The following AUTS2 variants were observed in gnomAD, a reference collection of about 807,000 sequenced individuals.
The protein encoded by AUTS2 is autism susceptibility gene 2 protein.
A neutral mutation model predicts 112.4 loss-of-function variants in AUTS2; 17 were observed. The observed-to-expected ratio is 0.15, with a 90% CI of 0.10 to 0.23. AUTS2 has a LOEUF of 0.23. Among genes scored for constraint, AUTS2 ranks in the 10% least tolerant of loss-of-function variants. The pLI is 1.00. For synonymous variants in AUTS2, 751 were observed against 702.7 expected, an observed-to-expected ratio of 1.07 and a Z score of -1.09; for missense variants, 1,510 against 1,701.6, an observed-to-expected ratio of 0.89 and a Z score of 1.98.
At chr7:70,365,526 G>C (rs1792530483) in intron 4 of AUTS2, among the ~76,000 whole-genome samples, 1 of 152,146 alleles carries the variant, frequency 6.6e-6, no homozygotes, top group Admixed American at 6.5e-5. Flanking sequence ...TTTTTTAAAG[G>C]CTAGAAGTTC....
chr7:69,882,798 A>G lies in AUTS2; in HGVS notation c.310-16488A>G, dbSNP rs553218092. Among the ~76,000 whole-genome samples, 8 of 152,316 alleles carry G rather than the reference A, an allele frequency of 5.3e-5. No individual in the cohort carries two copies. In the East Asian group the frequency reaches 9.6e-4, roughly 18 times the overall value. On this transcript the variant is annotated intron_variant, in intron 1 of 18. Transcript: ENST00000342771. ...TCCAGTATGTTGCTTGGCACATTCA[A>G]TGACACTCATTAAACACAATCTTGA...
At chr7:70,539,679 G>A (rs6980457) in intron 5 of AUTS2, among the ~76,000 whole-genome samples, 24,325 of 151,972 alleles carry the variant, frequency 0.16, 2,732 homozygotes, top group African/African-American at 0.32. Flanking sequence ...GAGCTGAACC[G>A]TGATTTCTCT....
intron 11 of AUTS2, among the ~76,000 whole-genome samples, 171 bp downstream of exon 11, chr7:70,771,815 G>GTTT (rs2129558344): frequency 6.6e-6 from 1 of 152,140 alleles, no homozygotes; most frequent in East Asian, 1.9e-4. Flanking sequence ...AGTCCATCTA[G>GTTT]TTTTAAATGG....
chr7:70,604,021 C>T (rs79020886), intron 5 of AUTS2, among the ~76,000 whole-genome samples: 4,057 of 152,252 alleles, frequency 0.027, 120 homozygotes, highest in East Asian at 0.09. Flanking sequence ...TGCTTTAAAA[C>T]GTGCCTGGCC....
At chr7:69,674,843 G>A (rs1796485977) in intron 1 of AUTS2, among the ~76,000 whole-genome samples, 1 of 152,144 alleles carries the variant, frequency 6.6e-6, no homozygotes, top group Admixed American at 6.5e-5. Context: ...AATGCTCTGT[G>A]GTGAGGCTGT....
intron 1 of AUTS2, among the ~76,000 whole-genome samples, chr7:69,852,137 G>C (rs1394181681): frequency 6.6e-6 from 1 of 152,128 alleles, no homozygotes; most frequent in Non-Finnish European, 1.5e-5. Context: ...CTTTGAAGCT[G>C]AGGAAATTCC....
intron 1 of AUTS2, among the ~76,000 whole-genome samples, chr7:69,699,115 A>G (rs1562819611): frequency 2.6e-5 from 4 of 152,316 alleles, no homozygotes; most frequent in South Asian, 4.1e-4. Context: ...TTCTTGAATA[A>G]TATAACTATG....
intron 5 of AUTS2, among the ~76,000 whole-genome samples, chr7:70,604,100 T>C (rs546268170): frequency 3.3e-5 from 5 of 152,326 alleles, no homozygotes; most frequent in Admixed American, 6.5e-5. Context: ...TCAATAAATA[T>C]CGACTGCATG....
At chr7:70,283,468 C>T (rs555893676) in intron 4 of AUTS2, among the ~76,000 whole-genome samples, 74 of 152,110 alleles carry the variant, frequency 4.9e-4, no homozygotes, top group Middle Eastern at 3.4e-3. Context: ...AAGATGCATT[C>T]CAATTTCAGA....
intron 5 of AUTS2, among the ~76,000 whole-genome samples, chr7:70,680,096 G>A (rs1808130647): frequency 6.6e-6 from 1 of 152,122 alleles, no homozygotes; most frequent in Non-Finnish European, 1.5e-5. Flanking sequence ...GGCTTATCAG[G>A]AAATTCCATG....
intron 6 of AUTS2, among the ~76,000 whole-genome samples, chr7:70,749,485 A>G (rs1788667788): frequency 6.6e-6 from 1 of 152,204 alleles, no homozygotes; most frequent in Non-Finnish European, 1.5e-5. Flanking sequence ...GAGCTGGTAG[A>G]TTGTTTGGGA....
At chr7:70,325,903 A>G (rs1265861850) in intron 4 of AUTS2, among the ~76,000 whole-genome samples, 1 of 152,176 alleles carries the variant, frequency 6.6e-6, no homozygotes, top group Non-Finnish European at 1.5e-5. Flanking sequence ...GTCTGCATCT[A>G]ACAACACCAT....
intron 1 of AUTS2, among the ~76,000 whole-genome samples, chr7:69,852,947 G>C (rs1446460248): frequency 6.6e-6 from 1 of 151,918 alleles, no homozygotes; most frequent in African/African-American, 2.4e-5. Context: ...AGATTTTCCT[G>C]TTATCTTTCT....
At chr7:69,786,514 G>T (rs1376274040) in intron 1 of AUTS2, among the ~76,000 whole-genome samples, 1 of 152,220 alleles carries the variant, frequency 6.6e-6, no homozygotes, top group Non-Finnish European at 1.5e-5. Context: ...CAACCCGCTT[G>T]GGTCCTCTTC....
At chr7:69,876,352 ATATAT>A (rs1793766126) in intron 1 of AUTS2, among the ~76,000 whole-genome samples, 38 of 53,976 alleles carry the variant, frequency 7.0e-4, no homozygotes, top group African/African-American at 2.5e-3. Flanking sequence ...AAAAAAAAAT[ATATAT>A]ATATATATAT....
At chr7:70,094,215 G>T (rs764426189) in intron 2 of AUTS2, among the ~76,000 whole-genome samples, 1 of 152,170 alleles carries the variant, frequency 6.6e-6, no homozygotes, top group Non-Finnish European at 1.5e-5. Flanking sequence ...TAATCTAGGG[G>T]GAATTATGTA....
chr7:70,775,920 A>C (rs17604490), intron 13 of AUTS2, among the ~76,000 whole-genome samples: 1,693 of 152,282 alleles, frequency 0.011, 25 homozygotes, highest in Non-Finnish European at 0.014. Flanking sequence ...CTCTAAATGA[A>C]TCCTGGTGGT....
chr7:69,973,285 T>C (rs1292572893), intron 2 of AUTS2, among the ~76,000 whole-genome samples: 1 of 152,238 alleles, frequency 6.6e-6, no homozygotes, highest in South Asian at 2.1e-4. Context: ...TTTTGTATCC[T>C]GTAACCTTGA....
intron 1 of AUTS2, among the ~76,000 whole-genome samples, chr7:69,706,116 C>T (rs1363409049): frequency 6.6e-6 from 1 of 152,118 alleles, no homozygotes; most frequent in Non-Finnish European, 1.5e-5. Context: ...TTTCTTCTGG[C>T]AGTTTTGTTT....
Sources: gnomAD v4.1 joint callset for allele counts (sites outside exome capture counted in the v4.1 genomes callset) on GRCh38, gnomAD v4.1.1 for gene constraint, MANE v1.5 for transcripts, NCBI Gene and HGNC (gene_info 2026-07-23, HGNC 2026-07-21) for gene names.